FASTKD5: variants seen among roughly 807,000 people sequenced by gnomAD.
FASTKD5 encodes the protein FAST kinase domains 5, also known as non-canonical pre-mRNAs endonuclease FASTKD5, mitochondrial.
In FASTKD5, 30 loss-of-function variants were observed where a neutral mutation model predicts 44.0. That is an observed-to-expected ratio of 0.68 (90% CI 0.51 to 0.93). The LOEUF is 0.93. Ranked by LOEUF, FASTKD5 falls within the 40% of genes least tolerant of loss-of-function variation. FASTKD5 has a pLI of 0.00. For missense variants in FASTKD5, 868 were observed against 908.2 expected, an observed-to-expected ratio of 0.96 and a Z score of 0.57; for synonymous variants, 335 against 342.2, an observed-to-expected ratio of 0.98 and a Z score of 0.23.
rs2066590045 is a variant in FASTKD5, at chr20:3,148,334, A to G, written c.737T>C (p.Leu246Ser). 6.2e-7 allele frequency: 1 copy of G among 1,614,108 alleles called. No homozygotes were observed. ...TAAGTACCTCCAGAGATCAGCCACCAAAAGGAGCTGATCCATATTCATCTC... is the reference window on the plus strand; with the variant it reads ...TAAGTACCTCCAGAGATCAGCCACCGAAAGGAGCTGATCCATATTCATCTC... ...VWEMNMDQLL[L>S]VADLWRYLGR... The change falls in exon 2 of 2, where the codon TTG becomes TCG. Residue 246 changes from leucine (L) to serine (S), a missense_variant. Leu to Ser is a moderately radical substitution (Grantham distance 145). Transcript: ENST00000380266.
At chr20:3,157,994 C>G (rs549909732) in intron 1 of FASTKD5, among the ~76,000 whole-genome samples, 1 of 152,076 alleles carries the variant, frequency 6.6e-6, no homozygotes, top group African/African-American at 2.4e-5. Flanking sequence ...CACTGCCCCC[C>G]ACCTCTCACC....
chr20:3,158,308 G>T (rs976885764), intron 1 of FASTKD5, among the ~76,000 whole-genome samples: 5 of 151,978 alleles, frequency 3.3e-5, no homozygotes, highest in Admixed American at 3.3e-4. Flanking sequence ...TTATTCACAT[G>T]ATGAATGGCA....
At chr20:3,154,278 C>T (rs886067058) in intron 1 of FASTKD5, among the ~76,000 whole-genome samples, 6 of 152,224 alleles carry the variant, frequency 3.9e-5, no homozygotes, top group East Asian at 3.9e-4. Context: ...ATACTTCTAC[C>T]GGATAATCCG....
intron 1 of FASTKD5, among the ~76,000 whole-genome samples, chr20:3,156,120 A>T (rs1404847697): frequency 6.6e-6 from 1 of 152,042 alleles, no homozygotes; most frequent in Non-Finnish European, 1.5e-5. Context: ...GAAAATCCAT[A>T]GGAAAGCTGG....
chr20:3,152,100 CAAAAA>C (rs60655157), intron 1 of FASTKD5, among the ~76,000 whole-genome samples: 1 of 62,882 alleles, frequency 1.6e-5, no homozygotes, highest in Non-Finnish European at 3.4e-5. Flanking sequence ...GACTCTGTCT[CAAAAA>C]AAAAAAAAAA....
chr20:3,147,548 A>C lies in FASTKD5; in HGVS notation c.1523T>G (p.Phe508Cys). ...GGTATATAGTTCCTTAAGGAGGTCA[A>C]ACTTAGTTCTCTCCTGAGCTAACCT... ...FVRLAQERTKFDLLKELYTLD... is the reference protein window; with the variant it reads ...FVRLAQERTKCDLLKELYTLD... Residue 508 changes from phenylalanine (F) to cysteine (C), a missense_variant, in exon 2 of 2, where the codon TTT becomes TGT. Phe to Cys is a radical substitution (Grantham distance 205). Transcript: ENST00000380266. The C allele has an allele frequency of 6.2e-7, 1 of 1,614,204 alleles. No homozygotes were observed. Among genetic ancestry groups the C allele is most frequent in the Non-Finnish European group, 8.5e-7 (1 of 1,180,038 alleles).
intron 1 of FASTKD5, among the ~76,000 whole-genome samples, chr20:3,155,068 A>G (rs4632430): frequency 0.35 from 46,205 of 130,484 alleles, 9,756 homozygotes; most frequent in East Asian, 0.52. Flanking sequence ...AAAAAAAAAA[A>G]AAAAGAAAAG....
chr20:3,155,404 A>C (rs2066673771), intron 1 of FASTKD5, among the ~76,000 whole-genome samples: 1 of 152,036 alleles, frequency 6.6e-6, no homozygotes, highest in South Asian at 2.1e-4. Flanking sequence ...GGTGGCAGGC[A>C]CCTGTAATCT....
In FASTKD5 at chr20:3,150,500, G is replaced by A. The variant is rs1017029737; in HGVS notation, c.-190-1240C>T. On this transcript the variant is annotated intron_variant, in intron 1 of 1. Coordinates refer to ENST00000380266, the MANE Select transcript of FASTKD5 (RefSeq NM_021826.5). ...ATGAAATTGATTCTGCTGTGCTCTC[G>A]CTTTCCTTAATGCTTATTCTTTTTC... 2.6e-5 allele frequency: 4 copies of A among 152,256 alleles called. No homozygotes were observed. In the Middle Eastern group the frequency reaches 0.01, roughly 388 times the overall value. The allele number at this position is 152,256 out of a possible 1,614,324, so 9.4% of individuals were successfully genotyped here.
chr20:3,146,919 G>A lies in FASTKD5; in HGVS notation c.2152C>T (p.His718Tyr), dbSNP rs777792270. ...CYGSRDLLGL[H>Y]NMKRRQLARL... The stretch of plus-strand genomic sequence containing the variant: ...GCCAGCTGCCGCCTCTTCATATTGT[G>A]CAGTCCAAGGAGATCCCTGGAGCCA... Residue 718 changes from histidine to tyrosine, a missense_variant, in exon 2 of 2, where the codon CAC becomes TAC. By Grantham distance (83) the His-to-Tyr change is moderately conservative. Coordinates refer to ENST00000380266, the MANE Select transcript of FASTKD5 (RefSeq NM_021826.5). 6.2e-7 allele frequency: 1 copy of A among 1,614,184 alleles called. No individual in the cohort carries two copies.
At position 3,147,552 on chromosome 20, in the gene FASTKD5, T is replaced by TA. The variant is rs1425416629; in HGVS notation, c.1518dup (p.Lys507Ter). ...TATAGTTCCTTAAGGAGGTCAAACT[T>TA]AGTTCTCTCCTGAGCTAACCTGACA... On this transcript the variant is annotated frameshift_variant, in exon 2 of 2. Coordinates refer to ENST00000380266, the MANE Select transcript of FASTKD5 (RefSeq NM_021826.5). LOFTEE classifies it high-confidence loss of function. 1.2e-6 allele frequency: 2 copies of TA among 1,614,198 alleles called. No individual in the cohort carries two copies. Among genetic ancestry groups the TA allele is most frequent in the South Asian group, 2.2e-5 (2 of 91,082 alleles).
Position 3,148,016 on chromosome 20 carries a change from C to T in FASTKD5, c.1055G>A (p.Ser352Asn), listed in dbSNP as rs940496649. ...DLACANIQHL[S>N]SRSLVNIVKM... ...AACAATATTCACTAAGGAGCGACTA[C>T]TCAGATGCTGAATGTTAGCACAAGC... Residue 352 changes from serine to asparagine, a missense_variant, in exon 2 of 2, where the codon AGT (serine) becomes AAT (asparagine). Transcript: ENST00000380266. 2 of 1,614,200 alleles carry T rather than the reference C, an allele frequency of 1.2e-6. No individual in the cohort carries two copies. Among genetic ancestry groups the T allele is most frequent in the South Asian group, 1.1e-5 (1 of 91,090 alleles).
Position 3,148,950 on chromosome 20 carries a change from G to T in FASTKD5, c.121C>A (p.Gln41Lys). 6.2e-7 allele frequency: 1 copy of T among 1,614,208 alleles called. No homozygotes were observed. The highest frequency in any genetic ancestry group is 8.5e-7 in the Non-Finnish European group (1 of 1,180,042). Residue 41 changes from glutamine (Q) to lysine (K), a missense_variant, in exon 2 of 2, where the codon CAG becomes AAG. Coordinates refer to ENST00000380266, the MANE Select transcript of FASTKD5 (RefSeq NM_021826.5). ...AGGCTAATGTGTTCTGGAGGGTCCT[G>T]TCCCCCATGCTGTGTGCTGCTCACA... The part of the protein sequence containing the change: ...WNVSSTQHGG[Q>K]DPPEHISLCH...
intron 1 of FASTKD5, among the ~76,000 whole-genome samples, chr20:3,155,566 T>A (rs2066675535): frequency 6.6e-6 from 1 of 152,118 alleles, no homozygotes; most frequent in African/African-American, 2.4e-5. Context: ...GAAACTATTA[T>A]TTAGTGTTAC....
chr20:3,157,881 G>A (rs1483800810), intron 1 of FASTKD5, among the ~76,000 whole-genome samples: 1 of 152,104 alleles, frequency 6.6e-6, no homozygotes, highest in Non-Finnish European at 1.5e-5. Flanking sequence ...GACAAATAAA[G>A]AAGGAGTTTC....
intron 1 of FASTKD5, among the ~76,000 whole-genome samples, chr20:3,157,580 T>C (rs2122135759): frequency 6.6e-6 from 1 of 152,334 alleles, no homozygotes; most frequent in Admixed American, 6.5e-5. Flanking sequence ...GATGATTCTG[T>C]TAGAGCTACT....
chr20:3,157,945 G>C (rs2066704970), intron 1 of FASTKD5, among the ~76,000 whole-genome samples: 1 of 150,410 alleles, frequency 6.6e-6, no homozygotes, highest in African/African-American at 2.5e-5. Context: ...GTTCAGTCTG[G>C]AGGGCAGTGG....
chr20:3,155,629 CAA>C (rs1242280413), intron 1 of FASTKD5, among the ~76,000 whole-genome samples: 1 of 151,910 alleles, frequency 6.6e-6, no homozygotes, highest in Non-Finnish European at 1.5e-5. Flanking sequence ...ACAATTTTGA[CAA>C]AAATTAAATT....
intron 1 of FASTKD5, 89 bp downstream of exon 1, chr20:3,159,677 G>C (rs1051758421): frequency 6.6e-6 from 1 of 152,286 alleles, no homozygotes; most frequent in African/African-American, 2.4e-5. Flanking sequence ...GGGCCGGCCG[G>C]GAGGACAGGA....
Sources: allele counts gnomAD v4.1 joint callset (sites outside exome capture counted in the v4.1 genomes callset), GRCh38; gene constraint gnomAD v4.1.1; transcripts MANE v1.5; gene names NCBI Gene and HGNC (gene_info 2026-07-23, HGNC 2026-07-21).